Variants in L3MBTL4 observed in about 807,000 individuals in gnomAD.
The protein encoded by L3MBTL4 is lethal(3)malignant brain tumor-like protein 4.
L3MBTL4 carries 70 observed loss-of-function variants against 84.5 expected under a neutral mutation model. The observed-to-expected ratio is 0.83, with a 90% CI of 0.68 to 1.01. L3MBTL4 has a LOEUF of 1.01. Ranked by LOEUF, L3MBTL4 falls within the 50% of genes least tolerant of loss-of-function variation. The pLI is 0.00. For missense variants in L3MBTL4, 715 were observed against 754.8 expected, an observed-to-expected ratio of 0.95 and a Z score of 0.62; for synonymous variants, 274 against 259.8, an observed-to-expected ratio of 1.05 and a Z score of -0.52.
chr18:6,125,649 C>T (rs1050405498), intron 14 of L3MBTL4, among the ~76,000 whole-genome samples: 75 of 152,224 alleles, frequency 4.9e-4, no homozygotes, highest in African/African-American at 1.7e-3. Context: ...AGGCTGGTCT[C>T]GAACTGCTGG....
chr18:6,109,955 T>C (rs538847862), intron 14 of L3MBTL4, among the ~76,000 whole-genome samples: 47 of 152,140 alleles, frequency 3.1e-4, no homozygotes, highest in Non-Finnish European at 5.1e-4. Context: ...ACTCTGGATC[T>C]GGACCAGGGC....
chr18:6,276,654 T>TAA lies in L3MBTL4; in HGVS notation c.128-12618_128-12617dup, dbSNP rs60947386. Reference sequence around the variant, plus strand: ...TATAGTCCAGCACAAAACAAAGCATTAAAAAAAAAAAAAAAACCCTACCTG... The same window carrying TAA: ...TATAGTCCAGCACAAAACAAAGCATTAAAAAAAAAAAAAAAAAACCCTACCTG... On this transcript the variant is annotated intron_variant, in intron 4 of 18. Transcript: ENST00000317931. 3.5e-3 allele frequency among the ~76,000 whole-genome samples: 439 copies of TAA among 125,128 alleles called. 5 individuals carry two copies. The highest frequency in any genetic ancestry group is 0.012 in the African/African-American group (417 of 35,078). The allele number at this position is 125,128 out of a possible 152,430, so 82.1% of individuals were successfully genotyped here. A position where few individuals can be genotyped will look rare whatever the true frequency, so the allele number is the denominator to read the frequency against.
chr18:6,384,394 C>A (rs1253412288), intron 1 of L3MBTL4, among the ~76,000 whole-genome samples: 1 of 152,092 alleles, frequency 6.6e-6, no homozygotes, highest in Non-Finnish European at 1.5e-5. Flanking sequence ...AAAAGAAAGG[C>A]ACAAAGTGGT....
At chr18:6,301,789 A>G (rs974773458) in intron 4 of L3MBTL4, 114 bp downstream of exon 4, 1 of 812,748 alleles carries the variant, frequency 1.2e-6, no homozygotes, top group East Asian at 2.5e-5. Context: ...TAAATGGTAG[A>G]TATTATTATC....
chr18:6,232,681 T>C (rs2047046569), intron 10 of L3MBTL4, among the ~76,000 whole-genome samples: 2 of 152,132 alleles, frequency 1.3e-5, no homozygotes. Flanking sequence ...AAATTGTGCC[T>C]ACCTTAGAAA....
At chr18:6,039,402 T>C (rs531104498) in intron 16 of L3MBTL4, among the ~76,000 whole-genome samples, 7 of 152,258 alleles carry the variant, frequency 4.6e-5, no homozygotes, top group African/African-American at 1.7e-4. Flanking sequence ...TTCCCACATA[T>C]TCTCTAAGGA....
intron 14 of L3MBTL4, among the ~76,000 whole-genome samples, chr18:6,105,015 G>A (rs978942892): frequency 6.6e-6 from 1 of 151,894 alleles, no homozygotes; most frequent in Non-Finnish European, 1.5e-5. Context: ...AAGACAAAAC[G>A]ACCCTGAGAT....
At chr18:6,116,295 C>G (rs760389456) in intron 14 of L3MBTL4, among the ~76,000 whole-genome samples, 1 of 150,782 alleles carries the variant, frequency 6.6e-6, no homozygotes, top group African/African-American at 2.4e-5. Flanking sequence ...GGCATGGGAA[C>G]GGGAGGACAG....
intron 4 of L3MBTL4, among the ~76,000 whole-genome samples, chr18:6,265,402 C>T (rs2048586831): frequency 6.6e-6 from 1 of 152,070 alleles, no homozygotes; most frequent in Non-Finnish European, 1.5e-5. Context: ...GGATTACATA[C>T]TAAGAGAGTA....
intron 14 of L3MBTL4, among the ~76,000 whole-genome samples, chr18:6,100,824 C>T (rs1427116817): frequency 6.6e-6 from 1 of 152,230 alleles, no homozygotes; most frequent in Non-Finnish European, 1.5e-5. Flanking sequence ...CCTGACTCCA[C>T]TGGCCTCCTG....
At chr18:6,305,782 C>T (rs62079192) in intron 3 of L3MBTL4, among the ~76,000 whole-genome samples, 1,524 of 152,322 alleles carry the variant, frequency 0.01, 11 homozygotes, top group Non-Finnish European at 0.014. Flanking sequence ...TCTGTTCCCT[C>T]CTGCTGGCAC....
intron 3 of L3MBTL4, among the ~76,000 whole-genome samples, chr18:6,305,710 A>G (rs1249960072): frequency 6.6e-6 from 1 of 152,240 alleles, no homozygotes; most frequent in African/African-American, 2.4e-5. Flanking sequence ...TCACCAGGTT[A>G]AAATCCATCA....
intron 16 of L3MBTL4, among the ~76,000 whole-genome samples, chr18:6,060,083 T>C (rs1346895502): frequency 2.0e-5 from 3 of 152,244 alleles, no homozygotes; most frequent in African/African-American, 7.2e-5. Flanking sequence ...CTTGTTTATG[T>C]TGTCTTACAA....
chr18:6,181,300 T>G (rs1035842100), intron 12 of L3MBTL4, among the ~76,000 whole-genome samples: 1 of 152,092 alleles, frequency 6.6e-6, no homozygotes, highest in African/African-American at 2.4e-5. Context: ...GTAATAGGCA[T>G]AGTACCTGAT....
At chr18:6,283,308 C>T (rs1341421886) in intron 4 of L3MBTL4, among the ~76,000 whole-genome samples, 2 of 152,138 alleles carry the variant, frequency 1.3e-5, no homozygotes, top group Non-Finnish European at 2.9e-5. Context: ...ATTTTCTACA[C>T]ATAGCTACAT....
intron 16 of L3MBTL4, among the ~76,000 whole-genome samples, chr18:5,986,195 G>A (rs1404165892): frequency 6.6e-6 from 1 of 152,208 alleles, no homozygotes; most frequent in African/African-American, 2.4e-5. Flanking sequence ...ATGTATGAAT[G>A]AGAATACCTT....
At chr18:6,231,716 G>C (rs2047006629) in intron 10 of L3MBTL4, among the ~76,000 whole-genome samples, 2 of 152,052 alleles carry the variant, frequency 1.3e-5, no homozygotes, top group African/African-American at 2.4e-5. Flanking sequence ...TATTGTTACA[G>C]TAAAGAAATG....
intron 17 of L3MBTL4, among the ~76,000 whole-genome samples, chr18:5,963,575 T>C (rs1206288291): frequency 6.6e-6 from 1 of 152,252 alleles, no homozygotes; most frequent in African/African-American, 2.4e-5. Context: ...TCCCATTTGA[T>C]TCGGCCTATC....
At position 6,414,746 on chromosome 18, in the gene L3MBTL4, TGGGCACCCACGC is replaced by T. The variant is rs2056127200; in HGVS notation, c.-91+43_-91+54del. The T allele has an allele frequency of 6.6e-6, 1 of 151,556 alleles. No homozygotes were observed. The highest frequency in any genetic ancestry group is 2.4e-5 in the African/African-American group (1 of 41,266). The allele number at this position is 151,556 out of a possible 1,614,324, so 9.4% of individuals were successfully genotyped here. A position where few individuals can be genotyped will look rare whatever the true frequency, so the allele number is the denominator to read the frequency against. On this transcript the variant is annotated intron_variant, in intron 1 of 18. Coordinates refer to ENST00000317931, the MANE Select transcript of L3MBTL4 (RefSeq NM_001330559.2). The surrounding 1 kb of genome is among the most constrained non-coding windows in gnomAD (Gnocchi z 5.4). ...GGGCCACCCCGCGCGGCGGCGGCCGTGGGCACCCACGCGGGCTCGCGACCATCCCACGCGGGC... is the reference window on the plus strand; with the variant it reads ...GGGCCACCCCGCGCGGCGGCGGCCGTGGGCTCGCGACCATCCCACGCGGGC...
Sources: gnomAD v4.1 joint callset for allele counts (sites outside exome capture counted in the v4.1 genomes callset) on GRCh38, gnomAD v4.1.1 for gene constraint, Gnocchi (gnomAD v3.1) non-coding constraint, MANE v1.5 for transcripts, NCBI Gene and HGNC (gene_info 2026-07-23, HGNC 2026-07-21) for gene names.